The following CATSPERD variants were observed in gnomAD, a reference collection of about 807,000 sequenced individuals.
CATSPERD encodes cation channel sperm-associated auxiliary subunit delta.
Under a neutral mutation model 98.1 loss-of-function variants are expected in CATSPERD, and 86 were observed. The observed-to-expected ratio is 0.88, with a 90% CI of 0.74 to 1.05. CATSPERD has a LOEUF of 1.05. CATSPERD is among the 50% of genes least tolerant of loss of function. The pLI is 0.00. For missense variants in CATSPERD, 995 were observed against 1,005.7 expected (o/e 0.99, Z 0.14); for synonymous variants, 394 against 390.2 (o/e 1.01, Z -0.12).
At position 5,731,560 on chromosome 19, in the gene CATSPERD, G is replaced by GTTTTTTTTTTTTT. The variant is rs67541709; in HGVS notation, c.276+1630_276+1642dup. On this transcript the variant is annotated intron_variant, in intron 4 of 21. Coordinates refer to ENST00000381624, the MANE Select transcript of CATSPERD (RefSeq NM_152784.4). ...TTTCTCCTAAAAGCGACACTTAACA[G>GTTTTTTTTTTTTT]TTTTTTTTTTTTTTTTTTTTTTTTT... Among the ~76,000 whole-genome samples, 154 of 75,732 alleles carry GTTTTTTTTTTTTT rather than the reference G, an allele frequency of 2.0e-3. 29 individuals carry two copies. Among genetic ancestry groups the GTTTTTTTTTTTTT allele is most frequent in the Non-Finnish European group, 2.6e-3 (109 of 41,978 alleles). 49.7% of individuals were successfully genotyped at this position (75,732 alleles called of 152,430 possible).
intron 1 of CATSPERD, among the ~76,000 whole-genome samples, chr19:5,723,566 A>G (rs749851097): frequency 6.9e-6 from 1 of 145,752 alleles, no homozygotes. Context: ...CTGGGTTCAC[A>G]CCATTCTCCT....
chr19:5,749,858 C>G (rs2056170646), intron 11 of CATSPERD, among the ~76,000 whole-genome samples: 1 of 147,630 alleles, frequency 6.8e-6, no homozygotes, highest in East Asian at 2.1e-4. Context: ...GCTTGGAATG[C>G]CACAGCACAA....
chr19:5,738,014 A>G (rs1243635994), intron 6 of CATSPERD, among the ~76,000 whole-genome samples: 1 of 152,120 alleles, frequency 6.6e-6, no homozygotes, highest in African/African-American at 2.4e-5. Flanking sequence ...CACTATAAAT[A>G]CATCCATCTA....
At position 5,746,037 on chromosome 19, in the gene CATSPERD, A is replaced by G. The variant is rs751648177; in HGVS notation, c.782A>G (p.Asn261Ser). 6.2e-7 allele frequency: 1 copy of G among 1,614,060 alleles called. No individual in the cohort carries two copies. Among genetic ancestry groups the G allele is most frequent in the Non-Finnish European group, 8.5e-7 (1 of 1,180,016 alleles). Residue 261 changes from asparagine (N) to serine (S), a missense_variant, in exon 9 of 22, where the codon AAC becomes AGC. Asn to Ser is a conservative substitution (Grantham distance 46, BLOSUM62 1). Transcript: ENST00000381624. Reference sequence around the variant, plus strand: ...GGCATCCTGCTCCTATGGTTTGAGAACAGCCTGTTGTTTTCCCATAATGCA... The same window carrying G: ...GGCATCCTGCTCCTATGGTTTGAGAGCAGCCTGTTGTTTTCCCATAATGCA... ...QRGILLLWFENSLLFSHNAGQ... is the reference protein window; with the variant it reads ...QRGILLLWFESSLLFSHNAGQ...
At chr19:5,734,767 A>AC (rs1232728593) in intron 5 of CATSPERD, among the ~76,000 whole-genome samples, 1 of 151,012 alleles carries the variant, frequency 6.6e-6, no homozygotes, top group African/African-American at 2.4e-5. Flanking sequence ...GGGCCACTGC[A>AC]CCCCAGCCTG....
Position 5,728,038 on chromosome 19 carries a change from CAAAAAAA to C in CATSPERD, c.203+705_203+711del, listed in dbSNP as rs56411287. On this transcript the variant is annotated intron_variant, in intron 3 of 21. Coordinates refer to ENST00000381624, the MANE Select transcript of CATSPERD (RefSeq NM_152784.4). ...GAATATAGCAAGATCCCAGTATCTA[CAAAAAAA>C]AAAAAAAAAATACAGAAAATTAGCT... 7.0e-5 allele frequency among the ~76,000 whole-genome samples: 9 copies of C among 128,378 alleles called. No individual in the cohort carries two copies. In the East Asian group the frequency reaches 1.8e-3, roughly 26 times the overall value. 84.2% of individuals were successfully genotyped at this position (128,378 alleles called of 152,430 possible).
In CATSPERD at chr19:5,751,784, G is replaced by T. The variant is rs373116853; in HGVS notation, c.1125G>T (p.Ala375=). The T allele has an allele frequency of 8.1e-6, 13 of 1,613,452 alleles. No individual in the cohort carries two copies. The highest frequency in any genetic ancestry group is 6.6e-5 in the South Asian group (6 of 91,054). ...DFQKCLVNIQ[A]LLMDPELHVG... is the part of the protein sequence containing the mutation. ...AGAAGTGCCTCGTGAATATCCAGGC[G>T]CTTCTCATGGACCCTGAACTCCACG... Residue 375 remains alanine, a synonymous_variant, in exon 12 of 22, where the codon GCG becomes GCT. Coordinates refer to ENST00000381624, the MANE Select transcript of CATSPERD (RefSeq NM_152784.4).
intron 14 of CATSPERD, 62 bp downstream of exon 14, chr19:5,757,994 C>A: frequency 7.2e-7 from 1 of 1,381,042 alleles, no homozygotes; most frequent in Non-Finnish European, 1.0e-6. Flanking sequence ...CTTCCTCCTT[C>A]CCTTATCAGC....
intron 4 of CATSPERD, among the ~76,000 whole-genome samples, chr19:5,730,455 A>G (rs763384949): frequency 2.0e-5 from 3 of 151,986 alleles, no homozygotes; most frequent in Admixed American, 6.6e-5. Context: ...AGGCAGGAGA[A>G]TCACTCGAAC....
chr19:5,752,848 C>T (rs991731721), intron 12 of CATSPERD, among the ~76,000 whole-genome samples: 8 of 151,536 alleles, frequency 5.3e-5, no homozygotes, highest in African/African-American at 1.2e-4. Flanking sequence ...GCCAACATGG[C>T]GAAACCCCGT....
intron 1 of CATSPERD, among the ~76,000 whole-genome samples, chr19:5,723,458 ATTTTTT>A (rs773822808): frequency 3.3e-5 from 3 of 90,924 alleles, no homozygotes; most frequent in South Asian, 5.1e-4. Flanking sequence ...TGCCCAGCTA[ATTTTTT>A]TTTTTTTTTT....
chr19:5,755,119 C>T (rs911355859), intron 13 of CATSPERD, among the ~76,000 whole-genome samples: 1 of 152,046 alleles, frequency 6.6e-6, no homozygotes, highest in Admixed American at 6.6e-5. Flanking sequence ...GCTGGGATTA[C>T]AGGCGTGAGC....
chr19:5,723,394 A>T (rs2055537961), intron 1 of CATSPERD, among the ~76,000 whole-genome samples: 2 of 147,998 alleles, frequency 1.4e-5, no homozygotes, highest in Admixed American at 1.4e-4. Flanking sequence ...AAGCGATTCT[A>T]GTGCCTCAGC....
rs199525678 is a variant in CATSPERD at position 5,754,240 on chromosome 19, C to T, written c.1273C>T (p.Pro425Ser). 1 of 1,608,802 alleles carries T rather than the reference C, an allele frequency of 6.2e-7. No individual in the cohort carries two copies. The highest frequency in any genetic ancestry group is 8.5e-7 in the Non-Finnish European group (1 of 1,175,280). The change falls in exon 13 of 22, where the codon CCT becomes TCT. Residue 425 changes from proline (P) to serine (S), a missense_variant. Pro to Ser is a moderately conservative substitution (Grantham distance 74, BLOSUM62 -1). This residue lies in a region of CATSPERD where 762 missense variants were observed against 773.7 expected (regional missense o/e 0.98). Coordinates refer to ENST00000381624, the MANE Select transcript of CATSPERD (RefSeq NM_152784.4). ...ACCCCAGCCAGGCACATCCCTGATT[C>T]CTCTGGTAAGTACATCTTAATGTTT... ...LIPQPGTSLIPLVMVSNPHSL... is the reference protein window; with the variant it reads ...LIPQPGTSLISLVMVSNPHSL...
At chr19:5,773,579 A>G (rs1462633934) in intron 20 of CATSPERD, among the ~76,000 whole-genome samples, 1 of 152,054 alleles carries the variant, frequency 6.6e-6, no homozygotes, top group Admixed American at 6.6e-5. Context: ...GCTGGAGTGC[A>G]GTGGTGCAAT....
At position 5,769,385 on chromosome 19, in the gene CATSPERD, A is replaced by C. The variant is rs529553387; in HGVS notation, c.1634+1143A>C. On this transcript the variant is annotated intron_variant, in intron 18 of 21. Transcript: ENST00000381624. Reference sequence around the variant, plus strand: ...CAGTTCTCATGGAAGCTGAGAATGAAAACCCACTCAGTACCATAAATATGG... The same window carrying C: ...CAGTTCTCATGGAAGCTGAGAATGACAACCCACTCAGTACCATAAATATGG... Among the ~76,000 whole-genome samples the C allele has an allele frequency of 2.0e-3, 311 of 152,016 alleles. 3 individuals carry two copies. Among genetic ancestry groups the C allele is most frequent in the African/African-American group, 7.2e-3 (299 of 41,456 alleles).
rs758430053 is a variant in CATSPERD at position 5,778,573 on chromosome 19, G to A, written c.2294G>A (p.Arg765Lys). 5 of 1,613,870 alleles carry A rather than the reference G, an allele frequency of 3.1e-6. No homozygotes were observed. Among genetic ancestry groups the A allele is most frequent in the South Asian group, 1.1e-5 (1 of 91,080 alleles). ...IKKCATQLCR[R>K]CKTVCQFRAS... ...AAGTGTGCGACACAGCTGTGTAGGA[G>A]ATGCAAGACGGTCTGCCAGTTCAGG... Residue 765 changes from arginine (R) to lysine (K), a missense_variant, in exon 22 of 22, where the codon AGA (arginine) becomes AAA (lysine). Coordinates refer to ENST00000381624, the MANE Select transcript of CATSPERD (RefSeq NM_152784.4).
At position 5,778,451 on chromosome 19, in the gene CATSPERD, C is replaced by T. The variant is rs190490124; in HGVS notation, c.2172C>T (p.Val724=). 6.5e-5 allele frequency: 105 copies of T among 1,613,958 alleles called. No individual in the cohort carries two copies. The African/African-American group carries it at 7.9e-4, about 12-fold the overall frequency. The part of the protein sequence containing the change: ...AFPVQLVSAG[V]VILLIISSIL... ...CCGTGCAGCTGGTCTCTGCTGGAGT[C>T]GTCATCCTACTGATCATCTCCAGCA... The change falls in exon 22 of 22, where the codon GTC becomes GTT. Residue 724 remains valine (V), a synonymous_variant. Transcript: ENST00000381624.
At chr19:5,754,297 G>A in intron 13 of CATSPERD, 52 bp downstream of exon 13, 2 of 1,301,962 alleles carry the variant, frequency 1.5e-6, no homozygotes, top group South Asian at 2.4e-5. Context: ...CACATGCCTG[G>A]TGCCCACTCC....
Sources: gnomAD v4.1 joint callset for allele counts (sites outside exome capture counted in the v4.1 genomes callset) on GRCh38, gnomAD v4.1.1 for gene constraint, gnomAD v4.1.1 regional missense constraint, MANE v1.5 for transcripts, NCBI Gene and HGNC (gene_info 2026-07-23, HGNC 2026-07-21) for gene names.